SLC25A12: variants seen among roughly 807,000 people sequenced by gnomAD.
SLC25A12 encodes the protein solute carrier family 25 member 12, also known as electrogenic aspartate/glutamate antiporter SLC25A12, mitochondrial.
SLC25A12 carries 32 observed loss-of-function variants against 83.3 expected under a neutral mutation model. The observed-to-expected ratio is 0.38, with a 90% CI of 0.29 to 0.52. The LOEUF is 0.52. Among genes scored for constraint, SLC25A12 ranks in the 20% least tolerant of loss-of-function variants. The probability of loss-of-function intolerance (pLI) is 0.84; values close to 1 mark genes in which losing one functional copy is unlikely to be tolerated. For missense variants in SLC25A12, 611 were observed against 835.6 expected, an observed-to-expected ratio of 0.73 and a Z score of 3.31; for synonymous variants, 267 against 291.1, an observed-to-expected ratio of 0.92 and a Z score of 0.84.
At chr2:171,792,908 A>G (rs185795284) in intron 14 of SLC25A12, among the ~76,000 whole-genome samples, 2 of 152,338 alleles carry the variant, frequency 1.3e-5, no homozygotes, top group East Asian at 1.9e-4. Context: ...TCTATATCAG[A>G]TGCTGTGGAA....
chr2:171,819,008 G>T (rs1684115005), intron 9 of SLC25A12, among the ~76,000 whole-genome samples: 1 of 149,986 alleles, frequency 6.7e-6, no homozygotes, highest in Non-Finnish European at 1.5e-5. Context: ...AATAGTCTGG[G>T]ATTTGAATTC....
chr2:171,854,105 C>T (rs1684994025), intron 4 of SLC25A12, among the ~76,000 whole-genome samples: 1 of 152,150 alleles, frequency 6.6e-6, no homozygotes, highest in Non-Finnish European at 1.5e-5. Context: ...GAAAATGCAG[C>T]ATTACTAGTA....
intron 2 of SLC25A12, among the ~76,000 whole-genome samples, chr2:171,869,155 G>A (rs528450575): frequency 7.9e-5 from 12 of 152,182 alleles, no homozygotes; most frequent in Non-Finnish European, 1.5e-4. Flanking sequence ...CAGAATATTG[G>A]TTGCCAGGAG....
intron 4 of SLC25A12, chr2:171,848,164 CA>C (rs1389390262): frequency 2.1e-6 from 1 of 471,066 alleles, no homozygotes; most frequent in East Asian, 6.9e-5. Context: ...TTCTGCAGTA[CA>C]AAATTACCTC....
intron 3 of SLC25A12, among the ~76,000 whole-genome samples, chr2:171,867,132 G>A (rs1455325244): frequency 1.4e-5 from 2 of 147,436 alleles, no homozygotes; most frequent in East Asian, 2.1e-4. Flanking sequence ...GGGCAGAGAC[G>A]CTCCTCACTT....
At chr2:171,815,884 TAAATAA>T (rs1310728923) in intron 9 of SLC25A12, among the ~76,000 whole-genome samples, 9 of 151,954 alleles carry the variant, frequency 5.9e-5, no homozygotes, top group Admixed American at 5.2e-4. Context: ...CAGAATAAAC[TAAATAA>T]AAAGTTCACA....
At chr2:171,811,382 C>T (rs1480678476) in intron 11 of SLC25A12, among the ~76,000 whole-genome samples, 1 of 152,194 alleles carries the variant, frequency 6.6e-6, no homozygotes, top group African/African-American at 2.4e-5. Flanking sequence ...CTTTCTAACC[C>T]TCGTGATTAT....
At chr2:171,889,384 T>C (rs1685885891) in intron 2 of SLC25A12, among the ~76,000 whole-genome samples, 2 of 152,220 alleles carry the variant, frequency 1.3e-5, no homozygotes, top group African/African-American at 4.8e-5. Context: ...CTTACATCGC[T>C]GGTATTGTCC....
chr2:171,843,619 C>G (rs1438419466), intron 5 of SLC25A12, among the ~76,000 whole-genome samples: 2 of 151,766 alleles, frequency 1.3e-5, no homozygotes, highest in African/African-American at 4.8e-5. Context: ...GCAACAGAGC[C>G]AGACTCTGTC....
chr2:171,872,290 T>C (rs1468078794), intron 2 of SLC25A12, among the ~76,000 whole-genome samples: 1 of 151,944 alleles, frequency 6.6e-6, no homozygotes, highest in Non-Finnish European at 1.5e-5. Flanking sequence ...TTCAAAACAA[T>C]AAGTATATAA....
At chr2:171,825,534 A>G (rs1684282721) in intron 9 of SLC25A12, among the ~76,000 whole-genome samples, 1 of 152,250 alleles carries the variant, frequency 6.6e-6, no homozygotes, top group Non-Finnish European at 1.5e-5. Context: ...AAGAGCAGAC[A>G]TAGCCTCTTT....
intron 13 of SLC25A12, among the ~76,000 whole-genome samples, chr2:171,804,040 T>C (rs1320836223): frequency 6.6e-6 from 1 of 152,144 alleles, no homozygotes; most frequent in Non-Finnish European, 1.5e-5. Context: ...TATACCAATA[T>C]TCATAGCAGC....
In SLC25A12 at chr2:171,834,753, G is replaced by A. The variant is rs758678966; in HGVS notation, c.725C>T (p.Thr242Ile). The change falls in exon 7 of 18, where the codon ACA becomes ATA. Residue 242 changes from threonine (T) to isoleucine (I), a missense_variant. Physicochemically the swap from Thr to Ile is moderately conservative, Grantham distance 89. Coordinates refer to ENST00000422440, the MANE Select transcript of SLC25A12 (RefSeq NM_003705.5). ...VRKIYSTLAG[T>I]RKDVEVTKEE... ...CTTTGTGACTTCAACATCTTTCCTT[G>A]TGCCAGCTAGAGTGCTATATATCTT... 3.1e-6 allele frequency: 5 copies of A among 1,613,514 alleles called. No individual in the cohort carries two copies. Among genetic ancestry groups the A allele is most frequent in the Admixed American group, 3.3e-5 (2 of 59,992 alleles).
chr2:171,808,908 G>T (rs559639358), intron 13 of SLC25A12, among the ~76,000 whole-genome samples: 267 of 146,858 alleles, frequency 1.8e-3, no homozygotes, highest in African/African-American at 6.5e-3. Flanking sequence ...CCTGTGTCCA[G>T]GTGTTCTCAT....
In SLC25A12 at chr2:171,868,834, A is replaced by T; in HGVS notation, c.67-11T>A. 1 of 1,603,122 alleles carries T rather than the reference A, an allele frequency of 6.2e-7. No individual in the cohort carries two copies. Among genetic ancestry groups the T allele is most frequent in the Non-Finnish European group, 8.5e-7 (1 of 1,170,120 alleles). ...CTCAGTACTGGCATACTAAAAAAAT[A>T]AATAAATAATGCATACTGAAAAATT... On this transcript the variant is annotated splice_polypyrimidine_tract_variant and intron_variant, in intron 2 of 17. Coordinates refer to ENST00000422440, the MANE Select transcript of SLC25A12 (RefSeq NM_003705.5).
intron 13 of SLC25A12, among the ~76,000 whole-genome samples, chr2:171,799,980 A>C (rs1476110712): frequency 6.6e-6 from 1 of 152,220 alleles, no homozygotes; most frequent in Non-Finnish European, 1.5e-5. Context: ...CGAGTTTAAC[A>C]ATTAAAAAAG....
chr2:171,886,757 A>G (rs566234603), intron 2 of SLC25A12, among the ~76,000 whole-genome samples: 148 of 152,052 alleles, frequency 9.7e-4, no homozygotes, highest in Non-Finnish European at 1.5e-3. Context: ...TGATCCGCCC[A>G]CCTTGGCCTC....
In SLC25A12 at chr2:171,828,409, G is replaced by A. The variant is rs532316435; in HGVS notation, c.846-1527C>T. ...TTCTCCTAAAGAGTTAGCTTGTAAT[G>A]GCAAAGGATATCTCTTAGATGTTTT... On this transcript the variant is annotated intron_variant, in intron 8 of 17. Coordinates refer to ENST00000422440, the MANE Select transcript of SLC25A12 (RefSeq NM_003705.5). Among the ~76,000 whole-genome samples, 102 of 152,298 alleles carry A rather than the reference G, an allele frequency of 6.7e-4. No homozygotes were observed. The South Asian group carries it at 8.9e-3, about 13-fold the overall frequency.
intron 5 of SLC25A12, among the ~76,000 whole-genome samples, chr2:171,838,902 T>G (rs1017453075): frequency 2.0e-5 from 3 of 152,166 alleles, no homozygotes; most frequent in African/African-American, 7.2e-5. Flanking sequence ...CATTACACTA[T>G]TCTCTCTACT....
Sources: allele counts gnomAD v4.1 joint callset (sites outside exome capture counted in the v4.1 genomes callset), GRCh38; gene constraint gnomAD v4.1.1; transcripts MANE v1.5; gene names NCBI Gene and HGNC (gene_info 2026-07-23, HGNC 2026-07-21).